The following DNAI4 variants were observed in gnomAD, a reference collection of about 807,000 sequenced individuals.
DNAI4 encodes dynein axonemal intermediate chain 4, also known as WD repeat domain 78.
In DNAI4, 85 loss-of-function variants were observed where a neutral mutation model predicts 105.8. The ratio of observed to expected loss-of-function variants is 0.80; its 90% CI spans 0.67 to 0.96. The LOEUF is 0.96. DNAI4 is among the 40% of genes least tolerant of loss of function. The pLI is 0.00. For missense variants in DNAI4, 1,014 were observed against 1,005.6 expected (o/e 1.01, Z -0.11); for synonymous variants, 352 against 331.5 (o/e 1.06, Z -0.67).
chr1:66,825,100 A>G (rs1256995658), intron 15 of DNAI4, among the ~76,000 whole-genome samples: 1 of 152,050 alleles, frequency 6.6e-6, no homozygotes, highest in Non-Finnish European at 1.5e-5. Flanking sequence ...ATCTAAGTAG[A>G]TACATACATC....
At chr1:66,870,347 C>T (rs1460916506) in intron 6 of DNAI4, among the ~76,000 whole-genome samples, 3 of 150,200 alleles carry the variant, frequency 2.0e-5, no homozygotes, top group Non-Finnish European at 4.4e-5. Context: ...GAGGCTGAGG[C>T]AGGAGAATTG....
intron 8 of DNAI4, among the ~76,000 whole-genome samples, chr1:66,843,586 T>C (rs1297794081): frequency 6.6e-6 from 1 of 152,172 alleles, no homozygotes; most frequent in African/African-American, 2.4e-5. Context: ...GCATTTGGTG[T>C]TGTATTTTAA....
intron 11 of DNAI4, 88 bp from the exon 12 acceptor site, chr1:66,834,236 A>G (rs562481228): frequency 4.0e-6 from 4 of 999,380 alleles, no homozygotes; most frequent in Non-Finnish European, 5.7e-6. Context: ...TCAGCTTTCT[A>G]GAAGATCATG....
chr1:66,819,335 G>A (rs79238807), intron 16 of DNAI4, among the ~76,000 whole-genome samples: 1 of 152,246 alleles, frequency 6.6e-6, no homozygotes, highest in South Asian at 2.1e-4. Flanking sequence ...CTTCACAAAA[G>A]CATTCTCTTA....
chr1:66,834,217 G>T, intron 11 of DNAI4, 69 bp from the exon 12 acceptor site: 1 of 1,257,648 alleles, frequency 8.0e-7, no homozygotes, highest in Non-Finnish European at 1.1e-6. Flanking sequence ...TGGAGTATAA[G>T]TGATAAGGTC....
At chr1:66,892,923 A>G (rs888899537) in intron 3 of DNAI4, among the ~76,000 whole-genome samples, 1 of 142,536 alleles carries the variant, frequency 7.0e-6, no homozygotes, top group Non-Finnish European at 1.5e-5. Context: ...AGAAAGAAAG[A>G]GAGAAAGAGA....
intron 13 of DNAI4, among the ~76,000 whole-genome samples, chr1:66,831,483 A>C (rs1460526320): frequency 6.6e-6 from 1 of 152,232 alleles, no homozygotes; most frequent in African/African-American, 2.4e-5. Flanking sequence ...TCAAAAAATC[A>C]ATCTACTTCA....
intron 7 of DNAI4, among the ~76,000 whole-genome samples, chr1:66,857,976 A>C (rs1485007443): frequency 6.6e-6 from 1 of 152,162 alleles, no homozygotes; most frequent in Non-Finnish European, 1.5e-5. Context: ...AAAATGGATA[A>C]TCTGAATTGG....
At chr1:66,850,351 C>G (rs1343114450) in intron 7 of DNAI4, among the ~76,000 whole-genome samples, 1 of 151,176 alleles carries the variant, frequency 6.6e-6, no homozygotes, top group East Asian at 1.9e-4. Context: ...AATTCTATAC[C>G]CAGTGAATTA....
chr1:66,902,218 A>G (rs963920552), intron 2 of DNAI4, among the ~76,000 whole-genome samples: 4 of 152,074 alleles, frequency 2.6e-5, no homozygotes, highest in African/African-American at 9.7e-5. Context: ...TGTCTTACCA[A>G]CACTTATTTT....
At chr1:66,818,522 G>A (rs535382897) in intron 16 of DNAI4, among the ~76,000 whole-genome samples, 32 of 152,170 alleles carry the variant, frequency 2.1e-4, no homozygotes, top group South Asian at 2.1e-4. Flanking sequence ...TGAACTGTTC[G>A]TTTTTTGTAA....
intron 9 of DNAI4, among the ~76,000 whole-genome samples, chr1:66,838,782 G>A (rs540294042): frequency 3.9e-5 from 6 of 152,158 alleles, no homozygotes; most frequent in African/African-American, 9.6e-5. Flanking sequence ...TCTTCTAGAC[G>A]CTGCAGAGGC....
intron 6 of DNAI4, among the ~76,000 whole-genome samples, chr1:66,863,990 G>C (rs534425405): frequency 1.7e-4 from 26 of 152,158 alleles, no homozygotes; most frequent in African/African-American, 6.0e-4. Flanking sequence ...TTAGCATATA[G>C]GAACATACTG....
At chr1:66,873,916 G>C (rs887776056) in intron 5 of DNAI4, among the ~76,000 whole-genome samples, 3 of 131,308 alleles carry the variant, frequency 2.3e-5, no homozygotes, top group African/African-American at 9.0e-5. Flanking sequence ...AGCTTTTAAA[G>C]GTACGCTATT....
chr1:66,875,997 C>A (rs1302742391), intron 4 of DNAI4, among the ~76,000 whole-genome samples: 1 of 152,046 alleles, frequency 6.6e-6, no homozygotes, highest in African/African-American at 2.4e-5. Flanking sequence ...AAATATTATG[C>A]AGATAAACAA....
chr1:66,859,084 C>T (rs1241142994), intron 7 of DNAI4, among the ~76,000 whole-genome samples: 2 of 152,024 alleles, frequency 1.3e-5, no homozygotes, highest in Non-Finnish European at 2.9e-5. Flanking sequence ...AAAGTACATA[C>T]ATATATCCGA....
intron 7 of DNAI4, 168 bp from the exon 8 acceptor site, chr1:66,847,846 C>T (rs1050857328): frequency 2.4e-5 from 14 of 572,870 alleles, no homozygotes; most frequent in Non-Finnish European, 3.9e-5. Flanking sequence ...ATGAAAGATG[C>T]ACATATCTCA....
chr1:66,896,446 A>G (rs1179080906), intron 2 of DNAI4, among the ~76,000 whole-genome samples: 2 of 152,188 alleles, frequency 1.3e-5, no homozygotes, highest in South Asian at 2.1e-4. Context: ...GAGACTCTGT[A>G]TCCATTATGA....
intron 4 of DNAI4, among the ~76,000 whole-genome samples, chr1:66,876,358 T>C (rs1213969195): frequency 6.6e-6 from 1 of 152,178 alleles, no homozygotes; most frequent in African/African-American, 2.4e-5. Flanking sequence ...CACCAGATCT[T>C]CCTTTGCAAT....
Sources: gnomAD v4.1 joint callset for allele counts (sites outside exome capture counted in the v4.1 genomes callset) on GRCh38, gnomAD v4.1.1 for gene constraint, MANE v1.5 for transcripts, NCBI Gene and HGNC (gene_info 2026-07-23, HGNC 2026-07-21) for gene names.